Variants in PAPPA2 observed in about 807,000 individuals in gnomAD.
PAPPA2 encodes the protein pappalysin-2.
In PAPPA2, 86 loss-of-function variants were observed where a neutral mutation model predicts 176.4. The observed-to-expected ratio is 0.49, with a 90% CI of 0.41 to 0.58. The LOEUF is 0.58. PAPPA2 is among the 20% of genes least tolerant of loss of function. PAPPA2 has a pLI of 0.00. For synonymous variants in PAPPA2, 809 were observed against 852.2 expected, an observed-to-expected ratio of 0.95 and a Z score of 0.88; for missense variants, 2,073 against 2,256.9, an observed-to-expected ratio of 0.92 and a Z score of 1.65.
At chr1:176,634,984 TAGATAGATA>T (rs1656609075) in intron 3 of PAPPA2, among the ~76,000 whole-genome samples, 1 of 151,390 alleles carries the variant, frequency 6.6e-6, no homozygotes, top group Non-Finnish European at 1.5e-5. Context: ...GATAGATAGA[TAGATAGATA>T]GATAGATAGA....
chr1:176,522,230 T>C (rs1649254295), intron 1 of PAPPA2, among the ~76,000 whole-genome samples: 1 of 152,222 alleles, frequency 6.6e-6, no homozygotes, highest in Non-Finnish European at 1.5e-5. Flanking sequence ...TTTGAGGGTA[T>C]AAGAAGAACA....
chr1:176,524,840 G>A (rs1213550277), intron 1 of PAPPA2, among the ~76,000 whole-genome samples: 1 of 152,062 alleles, frequency 6.6e-6, no homozygotes, highest in East Asian at 1.9e-4. Flanking sequence ...TGGCTAACAC[G>A]ATGAAACCCC....
At chr1:176,495,012 A>G (rs1044316325) in intron 1 of PAPPA2, among the ~76,000 whole-genome samples, 1 of 152,166 alleles carries the variant, frequency 6.6e-6, no homozygotes, top group African/African-American at 2.4e-5. Context: ...TGCACTGCCT[A>G]CACTAAAGTC....
chr1:176,742,794 A>T (rs1160976393), intron 14 of PAPPA2, among the ~76,000 whole-genome samples: 1 of 152,202 alleles, frequency 6.6e-6, no homozygotes, highest in African/African-American at 2.4e-5. Context: ...GCATAGTGAG[A>T]GGGATTCCTG....
intron 9 of PAPPA2, among the ~76,000 whole-genome samples, chr1:176,704,912 T>G (rs1225195627): frequency 1.3e-5 from 2 of 152,228 alleles, no homozygotes; most frequent in Non-Finnish European, 2.9e-5. Context: ...TCTTTTTACT[T>G]TTTAAATGAC....
chr1:176,524,144 G>A (rs1183803840), intron 1 of PAPPA2, among the ~76,000 whole-genome samples: 2 of 151,988 alleles, frequency 1.3e-5, no homozygotes, highest in African/African-American at 2.4e-5. Context: ...CAGCACTGTC[G>A]TTTTCAGACT....
At chr1:176,786,067 A>G (rs1163223904) in intron 17 of PAPPA2, among the ~76,000 whole-genome samples, 3 of 152,118 alleles carry the variant, frequency 2.0e-5, no homozygotes, top group Non-Finnish European at 1.5e-5. Context: ...GAAGGATTTC[A>G]TCTGTGGGAG....
rs749310802 is a variant in PAPPA2 at position 176,670,961 on chromosome 1, G to T, written c.1992-9G>T. The T allele has an allele frequency of 1.2e-6, 2 of 1,612,800 alleles. No homozygotes were observed. Among genetic ancestry groups the T allele is most frequent in the South Asian group, 1.1e-5 (1 of 90,880 alleles). On this transcript the variant is annotated splice_polypyrimidine_tract_variant and intron_variant, in intron 3 of 22. Coordinates refer to ENST00000367662, the MANE Select transcript of PAPPA2 (RefSeq NM_020318.3). ...GCTGTGACATTTTTTCATCTTGCAT[G>T]CTCTCTAGGGCATACATGAGTGTGA...
intron 1 of PAPPA2, among the ~76,000 whole-genome samples, chr1:176,512,651 A>G (rs1648676395): frequency 6.6e-6 from 1 of 152,184 alleles, no homozygotes; most frequent in Admixed American, 6.6e-5. Context: ...AGGGTGATGA[A>G]AATAGTCTAC....
intron 2 of PAPPA2, among the ~76,000 whole-genome samples, chr1:176,565,601 G>T (rs1049600021): frequency 1.3e-5 from 2 of 152,180 alleles, no homozygotes; most frequent in African/African-American, 4.8e-5. Context: ...AGGCTGAGGT[G>T]GGGGGATCAC....
At chr1:176,497,612 G>A (rs1647701971) in intron 1 of PAPPA2, among the ~76,000 whole-genome samples, 1 of 152,016 alleles carries the variant, frequency 6.6e-6, no homozygotes, top group African/African-American at 2.4e-5. Context: ...ACAAAAAAAA[G>A]GTTTTTGTGG....
At chr1:176,539,994 C>A (rs1207410461) in intron 1 of PAPPA2, among the ~76,000 whole-genome samples, 3 of 152,152 alleles carry the variant, frequency 2.0e-5, no homozygotes, top group Non-Finnish European at 4.4e-5. Flanking sequence ...CTTTGTATCC[C>A]CTTTCTGATC....
At chr1:176,592,038 T>A (rs943065971) in intron 2 of PAPPA2, among the ~76,000 whole-genome samples, 9 of 152,202 alleles carry the variant, frequency 5.9e-5, no homozygotes, top group African/African-American at 2.2e-4. Context: ...TTCAAAATAG[T>A]CTGTATTTGT....
chr1:176,835,410 A>G (rs1169723397), intron 21 of PAPPA2, among the ~76,000 whole-genome samples: 2 of 152,254 alleles, frequency 1.3e-5, no homozygotes, highest in East Asian at 3.8e-4. Flanking sequence ...CTTTGGATAT[A>G]TACCCAGTGG....
At chr1:176,487,074 C>G (rs184767921) in intron 1 of PAPPA2, among the ~76,000 whole-genome samples, 57 of 152,328 alleles carry the variant, frequency 3.7e-4, no homozygotes, top group African/African-American at 1.3e-3. Flanking sequence ...AAGTCCTCTT[C>G]TCTCCCTCAG....
intron 1 of PAPPA2, among the ~76,000 whole-genome samples, chr1:176,539,584 C>G (rs1650260002): frequency 1.3e-5 from 2 of 152,154 alleles, no homozygotes; most frequent in African/African-American, 4.8e-5. Context: ...AAGGAATGTT[C>G]AAGGTGCTGG....
intron 3 of PAPPA2, among the ~76,000 whole-genome samples, chr1:176,635,554 A>G (rs933813313): frequency 2.0e-5 from 3 of 152,150 alleles, no homozygotes; most frequent in Non-Finnish European, 4.4e-5. Context: ...AATTGTGGGC[A>G]ATAGTTCCAT....
At position 176,731,703 on chromosome 1, in the gene PAPPA2, ATG is replaced by A. The variant is rs530490625; in HGVS notation, c.3799-7919_3799-7918del. Among the ~76,000 whole-genome samples, 346 of 152,036 alleles carry A rather than the reference ATG, an allele frequency of 2.3e-3. 2 individuals carry two copies. The highest frequency in any genetic ancestry group is 3.3e-3 in the Non-Finnish European group (222 of 67,932). On this transcript the variant is annotated intron_variant, in intron 12 of 22. Transcript: ENST00000367662. The stretch of plus-strand genomic sequence containing the variant: ...TATATATACATATATGTGTACATAT[ATG>A]TGTATATATACACACATATATGTGT...
intron 2 of PAPPA2, 75 bp from the exon 3 acceptor site, chr1:176,594,449 G>T: frequency 8.0e-7 from 1 of 1,252,154 alleles, no homozygotes. Flanking sequence ...ATTTACATGG[G>T]CTTTCTTCTC....
Sources: allele counts gnomAD v4.1 joint callset (sites outside exome capture counted in the v4.1 genomes callset), GRCh38; gene constraint gnomAD v4.1.1; transcripts MANE v1.5; gene names NCBI Gene and HGNC (gene_info 2026-07-23, HGNC 2026-07-21).